Variants in FKTN observed in about 807,000 individuals in gnomAD.
FKTN encodes fukutin.
A neutral mutation model predicts 58.6 loss-of-function variants in FKTN; 47 were observed. The ratio of observed to expected loss-of-function variants is 0.80; its 90% CI spans 0.63 to 1.02. FKTN has a LOEUF of 1.02. Ranked by LOEUF, FKTN falls within the 50% of genes least tolerant of loss-of-function variation. FKTN has a pLI of 0.00. For missense variants in FKTN, 516 were observed against 537.3 expected, an observed-to-expected ratio of 0.96 and a Z score of 0.39; for synonymous variants, 178 against 191.9, an observed-to-expected ratio of 0.93 and a Z score of 0.60.
rs536785704 is a variant in FKTN, at chr9:105,613,065, A to G, written c.781-2213A>G. 1.8e-4 allele frequency among the ~76,000 whole-genome samples: 27 copies of G among 152,334 alleles called. No homozygotes were observed. In the South Asian group the frequency reaches 5.6e-3, roughly 32 times the overall value. ...TATGGGAGCAGTACCAGCAGCAGGT[A>G]ACTATCAGACCTGATGTTTTTGTAG... On this transcript the variant is annotated intron_variant, in intron 7 of 10. Coordinates refer to ENST00000357998, the MANE Select transcript of FKTN (RefSeq NM_001079802.2).
At chr9:105,573,096 G>A (rs1207845149) in intron 1 of FKTN, among the ~76,000 whole-genome samples, 1 of 152,084 alleles carries the variant, frequency 6.6e-6, no homozygotes, top group Non-Finnish European at 1.5e-5. Context: ...TTAGCCGAGT[G>A]TGGTGGCAGG....
intron 1 of FKTN, among the ~76,000 whole-genome samples, chr9:105,568,067 G>A (rs1015664171): frequency 1.3e-5 from 2 of 152,146 alleles, no homozygotes; most frequent in Admixed American, 1.3e-4. Context: ...AACAAATGGT[G>A]CTGGGAAAAC....
chr9:105,589,442 C>T (rs1172236397), intron 3 of FKTN, among the ~76,000 whole-genome samples: 1 of 150,900 alleles, frequency 6.6e-6, no homozygotes, highest in East Asian at 2.0e-4. Flanking sequence ...GCGGAGGTTG[C>T]AGTGAGCCAA....
chr9:105,617,319 G>C (rs963686293), intron 8 of FKTN, among the ~76,000 whole-genome samples: 1 of 152,132 alleles, frequency 6.6e-6, no homozygotes, highest in Non-Finnish European at 1.5e-5. Context: ...GAGCACATAC[G>C]TGGTAAACAC....
At chr9:105,582,214 G>T (rs1351812918) in intron 3 of FKTN, among the ~76,000 whole-genome samples, 4 of 152,042 alleles carry the variant, frequency 2.6e-5, no homozygotes, top group African/African-American at 9.7e-5. Context: ...TTTTTTAAGA[G>T]AGGATCTCGC....
At position 105,604,281 on chromosome 9, in the gene FKTN, C is replaced by T. The variant is rs1208639233; in HGVS notation, c.436C>T (p.Arg146Trp). 9.9e-6 allele frequency: 16 copies of T among 1,613,278 alleles called. No individual in the cohort carries two copies. The highest frequency in any genetic ancestry group is 2.2e-5 in the East Asian group (1 of 44,882). Reference sequence around the variant, plus strand: ...CCTAAAGATTGAGAGTAAAGATCCCCGGCTAGACGGGATAGACTCACTCTC... The same window carrying T: ...CCTAAAGATTGAGAGTAAAGATCCCTGGCTAGACGGGATAGACTCACTCTC... ...QCLKIESKDP[R>W]LDGIDSLSGT... The change falls in exon 6 of 11, where the codon CGG becomes TGG. Residue 146 changes from arginine (R) to tryptophan (W), a missense_variant. Coordinates refer to ENST00000357998, the MANE Select transcript of FKTN (RefSeq NM_001079802.2).
chr9:105,616,102 T>G (rs966581016), intron 8 of FKTN, among the ~76,000 whole-genome samples: 1 of 152,220 alleles, frequency 6.6e-6, no homozygotes, highest in Non-Finnish European at 1.5e-5. Context: ...TTAACACTTC[T>G]GAATTGTTTA....
intron 10 of FKTN, among the ~76,000 whole-genome samples, chr9:105,632,283 C>G (rs992748563): frequency 6.6e-6 from 1 of 150,804 alleles, no homozygotes. Context: ...TGGTGGGAGG[C>G]GGGAGGGATA....
intron 3 of FKTN, among the ~76,000 whole-genome samples, chr9:105,586,633 C>G (rs1045503573): frequency 2.0e-5 from 3 of 152,160 alleles, no homozygotes; most frequent in Non-Finnish European, 2.9e-5. Context: ...AGTTTGGGCA[C>G]TACATAGTCC....
At chr9:105,607,772 CCT>C (rs754352794) in intron 6 of FKTN, 45 bp from the exon 7 acceptor site, 55 of 1,571,080 alleles carry the variant, frequency 3.5e-5, no homozygotes, top group Non-Finnish European at 4.5e-5. Flanking sequence ...GTTCTCCCTC[CCT>C]GTTTCCCCCA....
At position 105,635,505 on chromosome 9, in the gene FKTN, T is replaced by C. The variant is rs903341633; in HGVS notation, c.*241T>C. ...GATGAATGAGACAAATACCTACTTC[T>C]TTTATTCCTCCTTTTGGTAAACAAC... On this transcript the variant is annotated 3_prime_UTR_variant, in exon 11 of 11. Coordinates refer to ENST00000357998, the MANE Select transcript of FKTN (RefSeq NM_001079802.2). 1.4e-6 allele frequency: 2 copies of C among 1,384,758 alleles called. No individual in the cohort carries two copies. Among genetic ancestry groups the C allele is most frequent in the African/African-American group, 2.9e-5 (2 of 68,644 alleles). 85.8% of individuals were successfully genotyped at this position (1,384,758 alleles called of 1,614,324 possible).
intron 7 of FKTN, among the ~76,000 whole-genome samples, chr9:105,609,403 A>AT (rs1271440962): frequency 6.6e-6 from 1 of 152,092 alleles, no homozygotes; most frequent in Non-Finnish European, 1.5e-5. Flanking sequence ...AAAATTTAGT[A>AT]TTTTTTTAAA....
In FKTN at chr9:105,607,895, G is replaced by A; in HGVS notation, c.724G>A (p.Val242Ile). 1.2e-6 allele frequency: 2 copies of A among 1,611,250 alleles called. No individual in the cohort carries two copies. The highest frequency in any genetic ancestry group is 8.5e-7 in the Non-Finnish European group (1 of 1,177,552). ...GGATCCAATGCACTTTGTAGAAGAAGTACCACACTCTAGGTTTATTGAGTG... is the reference window on the plus strand; with the variant it reads ...GGATCCAATGCACTTTGTAGAAGAAATACCACACTCTAGGTTTATTGAGTG... Reference protein sequence around the residue: ...PKDPMHFVEEVPHSRFIECRY... With the variant: ...PKDPMHFVEEIPHSRFIECRY... The change falls in exon 7 of 11, where the codon GTA becomes ATA. Residue 242 changes from valine (V) to isoleucine (I), a missense_variant. Physicochemically the swap from Val to Ile is conservative, Grantham distance 29. Coordinates refer to ENST00000357998, the MANE Select transcript of FKTN (RefSeq NM_001079802.2).
Position 105,595,492 on chromosome 9 carries a change from G to A in FKTN, c.106-1106G>A, listed in dbSNP as rs1043008839. Reference sequence around the variant, plus strand: ...TACAATGTTTGCAGTCTCTTTTCAGGTTTCAAGATTACAGTTGTTTTTTTC... The same window carrying A: ...TACAATGTTTGCAGTCTCTTTTCAGATTTCAAGATTACAGTTGTTTTTTTC... On this transcript the variant is annotated intron_variant, in intron 3 of 10. Coordinates refer to ENST00000357998, the MANE Select transcript of FKTN (RefSeq NM_001079802.2). 5.9e-5 allele frequency among the ~76,000 whole-genome samples: 9 copies of A among 152,206 alleles called. No homozygotes were observed. The East Asian group carries it at 7.7e-4, about 13-fold the overall frequency.
In FKTN at chr9:105,575,022, A is replaced by G. The variant is rs1841411027; in HGVS notation, c.-11A>G. On this transcript the variant is annotated 5_prime_UTR_variant, in exon 3 of 11. Transcript: ENST00000357998. ...ACTTTCAAAAGACAACCAAGTGAGC[A>G]GCACAGACTAATGAGTAGAATCAAT... 1.4e-6 allele frequency: 2 copies of G among 1,429,910 alleles called. No individual in the cohort carries two copies. 88.6% of individuals were successfully genotyped at this position (1,429,910 alleles called of 1,614,324 possible). A position where few individuals can be genotyped will look rare whatever the true frequency, so the allele number is the denominator to read the frequency against.
chr9:105,623,778 G>A (rs969405409), intron 10 of FKTN, among the ~76,000 whole-genome samples: 11 of 152,246 alleles, frequency 7.2e-5, no homozygotes, highest in Non-Finnish European at 1.2e-4. Context: ...ACATGTTAAA[G>A]TACTCTGATA....
rs1164994747 is a variant in FKTN, at chr9:105,635,930, A to G, written c.*666A>G. 9 of 986,652 alleles carry G rather than the reference A, an allele frequency of 9.1e-6. No individual in the cohort carries two copies. In the African/African-American group the frequency reaches 1.2e-4, roughly 13 times the overall value. The allele number at this position is 986,652 out of a possible 1,614,324, so 61.1% of individuals were successfully genotyped here. ...ATTTCTGTACATGTACTGTTTTCAT[A>G]TGTGAAGTGAGAAGAAACTTTATGC... On this transcript the variant is annotated 3_prime_UTR_variant, in exon 11 of 11. Coordinates refer to ENST00000357998, the MANE Select transcript of FKTN (RefSeq NM_001079802.2).
intron 6 of FKTN, among the ~76,000 whole-genome samples, chr9:105,605,805 A>G (rs1373490601): frequency 6.6e-6 from 1 of 152,140 alleles, no homozygotes; most frequent in Non-Finnish European, 1.5e-5. Flanking sequence ...AATAGTTAGA[A>G]ATAATGAATA....
chr9:105,584,543 G>T (rs1156831031), intron 3 of FKTN, among the ~76,000 whole-genome samples: 2 of 152,024 alleles, frequency 1.3e-5, no homozygotes, highest in Admixed American at 6.6e-5. Context: ...ATATGGAGTG[G>T]GTGCAGTGGC....
Sources: allele counts gnomAD v4.1 joint callset (sites outside exome capture counted in the v4.1 genomes callset), GRCh38; gene constraint gnomAD v4.1.1; transcripts MANE v1.5; gene names NCBI Gene and HGNC (gene_info 2026-07-23, HGNC 2026-07-21).